PABPN1L: variants seen among roughly 807,000 people sequenced by gnomAD.
PABPN1L encodes embryonic polyadenylate-binding protein 2.
A neutral mutation model predicts 34.0 loss-of-function variants in PABPN1L; 45 were observed. The observed-to-expected ratio is 1.32, with a 90% CI of 1.04 to 1.70. PABPN1L has a LOEUF of 1.70. Ranked by LOEUF, PABPN1L falls within the 40% of genes most tolerant of loss-of-function variation. PABPN1L has a pLI of 0.00. For synonymous variants in PABPN1L, 182 were observed against 152.1 expected, an observed-to-expected ratio of 1.20 and a Z score of -1.45; for missense variants, 459 against 367.8, an observed-to-expected ratio of 1.25 and a Z score of -2.03.
chr16:88,866,232 G>T, intron 1 of PABPN1L, 120 bp downstream of exon 1: 1 of 1,416,216 alleles, frequency 7.1e-7, no homozygotes, highest in Non-Finnish European at 9.3e-7. Flanking sequence ...CAGGCAGGTG[G>T]GCAATGGCCC....
exon 6 of PABPN1L, chr16:88,864,323 A>G (rs1968529583): frequency 6.4e-7 from 1 of 1,555,420 alleles, no homozygotes; most frequent in Admixed American, 1.9e-5. Flanking sequence ...GGTGTCCTCG[A>G]AGGCCCCCGC....
chr16:88,866,513 C>G (rs1258268106), exon 1 of PABPN1L: 2 of 1,550,982 alleles, frequency 1.3e-6, no homozygotes, highest in Admixed American at 2.0e-5. Context: ...TCGTTCCAGG[C>G]CCCCCAGCCC....
exon 7 of PABPN1L, chr16:88,863,424 C>A: frequency 2.1e-6 from 1 of 483,384 alleles, no homozygotes; most frequent in Non-Finnish European, 3.7e-6. Context: ...AGTTGAAGAG[C>A]TGAGCATGCC....
In PABPN1L at chr16:88,866,020, C is replaced by G. The variant is rs558070817; in HGVS notation, c.256-79G>C. 8.2e-4 allele frequency: 1,211 copies of G among 1,475,320 alleles called. 11 individuals are homozygous for G. In the African/African-American group the frequency reaches 0.015, roughly 18 times the overall value. The allele number at this position is 1,475,320 out of a possible 1,614,324, so 91.4% of individuals were successfully genotyped here. ...AAGGTGGGTGTGTGGCCTGCCAGCT[C>G]CAGCAGAGGGTCACAGCCCCAAGGG... On this transcript the variant is annotated intron_variant, in intron 1 of 6. Transcript: ENST00000419291.
rs773168141 is a variant in PABPN1L, at chr16:88,865,881, G to T, written c.316C>A (p.Pro106Thr). Residue 106 changes from proline (P) to threonine (T), a missense_variant, in exon 2 of 7, where the codon CCT becomes ACT. Physicochemically the swap from Pro to Thr is conservative, Grantham distance 38. Coordinates refer to ENST00000419291, the Ensembl canonical transcript of PABPN1L. ...TCGGCCTGTTGCTGCACTCCTGGAG[G>T]CCGTGGCGTCCCCTCGGCCTGCTCC... 9.5e-5 allele frequency: 153 copies of T among 1,609,772 alleles called. 1 individual carries two copies. In the Middle Eastern group the frequency reaches 2.9e-3, roughly 30 times the overall value.
exon 1 of PABPN1L, chr16:88,866,360 G>A (rs1401078197): frequency 1.3e-6 from 2 of 1,549,826 alleles, no homozygotes; most frequent in Non-Finnish European, 8.7e-7. Flanking sequence ...ACCTGGTCAG[G>A]CAATGGGCAC....
At chr16:88,864,109 C>T (rs1968518718) in intron 6 of PABPN1L, 128 bp downstream of exon 6, 4 of 1,282,386 alleles carry the variant, frequency 3.1e-6, no homozygotes, top group Non-Finnish European at 4.2e-6. Context: ...CAGCCACAGC[C>T]CTCACCCAGG....
upstream of PABPN1L, among the ~76,000 whole-genome samples, chr16:88,870,041 C>T (rs962271167): frequency 3.3e-5 from 5 of 152,162 alleles, no homozygotes; most frequent in Non-Finnish European, 5.9e-5. Flanking sequence ...AGGGGCAAGC[C>T]GTCCCTTCCT....
upstream of PABPN1L, among the ~76,000 whole-genome samples, chr16:88,868,748 G>T (rs1297119025): frequency 6.6e-6 from 1 of 152,228 alleles, no homozygotes; most frequent in East Asian, 1.9e-4. Flanking sequence ...ATCTCTGATT[G>T]GCAGTCACCA....
At chr16:88,867,303 C>T (rs553666660), upstream of PABPN1L, among the ~76,000 whole-genome samples, 10 of 151,820 alleles carry the variant, frequency 6.6e-5, no homozygotes, top group South Asian at 2.1e-4. Flanking sequence ...TCTCGGCTCA[C>T]GGCAACCTTT....
In PABPN1L at chr16:88,864,337, CT is replaced by C; in HGVS notation, c.696del (p.Asp233ThrfsTer53). ...GGGTGTCCTCGAAGGCCCCCGCGGT[CT>C]GTGGAGCTGATCCCAGGGAAGTTGG... On this transcript the variant is annotated frameshift_variant, in exon 6 of 7. Coordinates refer to ENST00000419291, the Ensembl canonical transcript of PABPN1L. LOFTEE classifies it high-confidence loss of function. 6.4e-7 allele frequency: 1 copy of C among 1,555,684 alleles called. No homozygotes were observed. The highest frequency in any genetic ancestry group is 8.7e-7 in the Non-Finnish European group (1 of 1,149,350).
In PABPN1L at chr16:88,865,145, A is replaced by G. The variant is rs1316405504; in HGVS notation, c.460-17T>C. The G allele has an allele frequency of 1.3e-6, 2 of 1,557,754 alleles. No homozygotes were observed. Among genetic ancestry groups the G allele is most frequent in the Admixed American group, 3.8e-5 (2 of 52,290 alleles). Reference sequence around the variant, plus strand: ...GTAGTCCACCTGCACCCAGGCCCAGACCAGCATGTGAGGGAGACGCCTGGC... The same window carrying G: ...GTAGTCCACCTGCACCCAGGCCCAGGCCAGCATGTGAGGGAGACGCCTGGC... On this transcript the variant is annotated splice_polypyrimidine_tract_variant and intron_variant, in intron 3 of 6. Coordinates refer to ENST00000419291, the Ensembl canonical transcript of PABPN1L.
chr16:88,866,551 T>C, exon 1 of PABPN1L: 1 of 1,552,526 alleles, frequency 6.4e-7, no homozygotes, highest in Non-Finnish European at 8.7e-7. Context: ...GGAGACCGTC[T>C]GGAGCCAGGC....
At chr16:88,863,975 G>A (rs1968513942) in intron 6 of PABPN1L, among the ~76,000 whole-genome samples, 180 bp from the exon 7 acceptor site, 1 of 152,214 alleles carries the variant, frequency 6.6e-6, no homozygotes, top group Admixed American at 6.5e-5. Context: ...GAAAAGGAAA[G>A]GCAGTGCCAG....
rs1053469929 is a variant in PABPN1L at position 88,864,126 on chromosome 16, C to T, written c.797+111G>A. ...GCCACAGCCCTCACCCAGGCCCCGC[C>T]AGGTACATTCCTGCAGCCCCATGAG... On this transcript the variant is annotated intron_variant, in intron 6 of 6. Transcript: ENST00000419291. 3.6e-6 allele frequency: 5 copies of T among 1,372,312 alleles called. No individual in the cohort carries two copies. The African/African-American group carries it at 7.3e-5, about 20-fold the overall frequency. The allele number at this position is 1,372,312 out of a possible 1,614,324, so 85.0% of individuals were successfully genotyped here.
chr16:88,863,739 A>G (rs1968504980), exon 7 of PABPN1L: 1 of 1,535,746 alleles, frequency 6.5e-7, no homozygotes, highest in Admixed American at 2.0e-5. Context: ...CCCCTCTCTC[A>G]AAATCGGGTC....
At chr16:88,864,905 A>G (rs751200989) in exon 5 of PABPN1L, 7 of 1,548,474 alleles carry the variant, frequency 4.5e-6, no homozygotes, top group Non-Finnish European at 6.1e-6. Flanking sequence ...GGCGGCCTGC[A>G]CGGAGCCCTT....
At chr16:88,865,447 C>G (rs1968568151) in intron 3 of PABPN1L, 116 bp downstream of exon 3, 1 of 1,330,494 alleles carries the variant, frequency 7.5e-7, no homozygotes, top group Non-Finnish European at 1.0e-6. Flanking sequence ...CGGGGCTGCC[C>G]CCAGGGTCAG....
At chr16:88,865,310 C>T (rs1222787002) in intron 3 of PABPN1L, among the ~76,000 whole-genome samples, 182 bp from the exon 4 acceptor site, 1 of 150,780 alleles carries the variant, frequency 6.6e-6, no homozygotes, top group Non-Finnish European at 1.5e-5. Context: ...GTATGGAGCG[C>T]TTCCTTCTGG....
Sources: allele counts gnomAD v4.1 joint callset (sites outside exome capture counted in the v4.1 genomes callset), GRCh38; gene constraint gnomAD v4.1.1; transcripts MANE v1.5; gene names NCBI Gene and HGNC (gene_info 2026-07-23, HGNC 2026-07-21).